The following PPM1E variants were observed in gnomAD, a reference collection of about 807,000 sequenced individuals.
PPM1E encodes the protein protein phosphatase, Mg2+/Mn2+ dependent 1E, also known as protein phosphatase 1E.
A neutral mutation model predicts 65.9 loss-of-function variants in PPM1E; 20 were observed. The observed-to-expected ratio is 0.30, with a 90% CI of 0.21 to 0.44. The LOEUF (loss-of-function observed/expected upper bound fraction) is 0.44. Ranked by LOEUF, PPM1E falls within the 20% of genes least tolerant of loss-of-function variation. The probability of loss-of-function intolerance (pLI) is 1.00; values close to 1 mark genes in which losing one functional copy is unlikely to be tolerated. For synonymous variants in PPM1E, 352 were observed against 374.9 expected, an observed-to-expected ratio of 0.94 and a Z score of 0.70; for missense variants, 713 against 953.1, an observed-to-expected ratio of 0.75 and a Z score of 3.32.
At chr17:58,966,870 A>C (rs2030287504) in intron 3 of PPM1E, 1 of 152,516 alleles carries the variant, frequency 6.6e-6, no homozygotes, top group Non-Finnish European at 1.5e-5. Flanking sequence ...TCAAGGTCTA[A>C]TCAGCAATGA....
At position 58,982,976 on chromosome 17, in the gene PPM1E, A is replaced by C; in HGVS notation, c.*1945A>C. 7 of 1,485,804 alleles carry C rather than the reference A, an allele frequency of 4.7e-6. No individual in the cohort carries two copies. Among genetic ancestry groups the C allele is most frequent in the Non-Finnish European group, 5.5e-6 (6 of 1,094,758 alleles). 92.0% of individuals were successfully genotyped at this position (1,485,804 alleles called of 1,614,324 possible). ...ACTATTGGTACACATTATAGTCCAAAGTGCTTAGCGAAGTAAAAAAAAAAG... is the reference window on the plus strand; with the variant it reads ...ACTATTGGTACACATTATAGTCCAACGTGCTTAGCGAAGTAAAAAAAAAAG... On this transcript the variant is annotated 3_prime_UTR_variant, in exon 7 of 7. Transcript: ENST00000308249.
chr17:58,866,603 TGTC>T (rs2051006882), intron 1 of PPM1E, among the ~76,000 whole-genome samples: 1 of 75,868 alleles, frequency 1.3e-5, no homozygotes, highest in Non-Finnish European at 3.4e-5. Flanking sequence ...TTGTAAATGC[TGTC>T]ATTGTAAATG....
chr17:58,877,581 G>A (rs562533092), intron 1 of PPM1E, among the ~76,000 whole-genome samples: 1 of 152,216 alleles, frequency 6.6e-6, no homozygotes, highest in African/African-American at 2.4e-5. Context: ...TAAATGGTAG[G>A]TTCCTAGGCC....
At chr17:58,793,880 G>A (rs1166712391) in intron 1 of PPM1E, among the ~76,000 whole-genome samples, 1 of 152,022 alleles carries the variant, frequency 6.6e-6, no homozygotes, top group Non-Finnish European at 1.5e-5. Flanking sequence ...GTTTCACTCT[G>A]TTGCCCAAGC....
At chr17:58,796,550 G>A (rs1446388485) in intron 1 of PPM1E, among the ~76,000 whole-genome samples, 3 of 152,150 alleles carry the variant, frequency 2.0e-5, no homozygotes, top group Non-Finnish European at 2.9e-5. Flanking sequence ...GATTACAGGC[G>A]TGAGCCACTG....
At position 58,915,849 on chromosome 17, in the gene PPM1E, T is replaced by C. The variant is rs545081999; in HGVS notation, c.465-39800T>C. Reference sequence around the variant, plus strand: ...ATGCTGAATTAGTAGATAGAAAATTTGTGTTCTAGGTCCCACCCCATTACT... The same window carrying C: ...ATGCTGAATTAGTAGATAGAAAATTCGTGTTCTAGGTCCCACCCCATTACT... On this transcript the variant is annotated intron_variant, in intron 1 of 6. Coordinates refer to ENST00000308249, the MANE Select transcript of PPM1E (RefSeq NM_014906.5). Among the ~76,000 whole-genome samples, 12 of 152,324 alleles carry C rather than the reference T, an allele frequency of 7.9e-5. 1 individual carries two copies. The highest frequency in any genetic ancestry group is 7.8e-4 in the Admixed American group (12 of 15,296).
chr17:58,938,385 T>C (rs1308436429), intron 1 of PPM1E, among the ~76,000 whole-genome samples: 1 of 151,722 alleles, frequency 6.6e-6, no homozygotes, highest in African/African-American at 2.4e-5. Flanking sequence ...AGTCAAATAG[T>C]AATTAAATGG....
At chr17:58,764,087 C>T (rs2049849803) in intron 1 of PPM1E, among the ~76,000 whole-genome samples, 1 of 151,770 alleles carries the variant, frequency 6.6e-6, no homozygotes. Flanking sequence ...ACTATTTCAA[C>T]ATGTAATCCA....
At chr17:58,835,194 C>T (rs1376533867) in intron 1 of PPM1E, among the ~76,000 whole-genome samples, 2 of 151,884 alleles carry the variant, frequency 1.3e-5, no homozygotes, top group East Asian at 1.9e-4. Context: ...TAGAAAAATT[C>T]GCCAACCATG....
intron 1 of PPM1E, among the ~76,000 whole-genome samples, chr17:58,804,743 G>T (rs1279665761): frequency 6.6e-6 from 1 of 151,686 alleles, no homozygotes; most frequent in Non-Finnish European, 1.5e-5. Flanking sequence ...TTTAAATTAA[G>T]TTCATTTTAT....
chr17:58,955,145 A>T (rs1462667911), intron 1 of PPM1E, among the ~76,000 whole-genome samples: 1 of 152,106 alleles, frequency 6.6e-6, no homozygotes, highest in East Asian at 1.9e-4. Flanking sequence ...TGGGCGGATC[A>T]CCTGAGGTTG....
At chr17:58,777,768 A>G (rs1208495852) in intron 1 of PPM1E, among the ~76,000 whole-genome samples, 1 of 152,242 alleles carries the variant, frequency 6.6e-6, no homozygotes, top group African/African-American at 2.4e-5. Flanking sequence ...GTTTCCTACT[A>G]GAATATAAGC....
At chr17:58,838,401 G>A (rs955466183) in intron 1 of PPM1E, among the ~76,000 whole-genome samples, 3 of 152,166 alleles carry the variant, frequency 2.0e-5, no homozygotes, top group Non-Finnish European at 4.4e-5. Flanking sequence ...TAAAGAAAAT[G>A]TAGAGACAGC....
intron 1 of PPM1E, among the ~76,000 whole-genome samples, chr17:58,756,805 G>A (rs1355808463): frequency 6.6e-6 from 1 of 152,102 alleles, no homozygotes; most frequent in African/African-American, 2.4e-5. Context: ...TCCCTTTCCT[G>A]CCTGGAAAGG....
rs540412358 is a variant in PPM1E, at chr17:58,913,371, G to C, written c.465-42278G>C. ...AATAAGTGAGTTTATAAGGATCTAG[G>C]CTTGAGCAGACTTAAAAAAAAAACT... On this transcript the variant is annotated intron_variant, in intron 1 of 6. Coordinates refer to ENST00000308249, the MANE Select transcript of PPM1E (RefSeq NM_014906.5). Among the ~76,000 whole-genome samples the C allele has an allele frequency of 3.5e-4, 54 of 152,230 alleles. 1 individual carries two copies. Among genetic ancestry groups the C allele is most frequent in the African/African-American group, 1.3e-3 (52 of 41,528 alleles).
intron 1 of PPM1E, among the ~76,000 whole-genome samples, chr17:58,843,542 A>G (rs1443010368): frequency 6.6e-6 from 1 of 151,538 alleles, no homozygotes; most frequent in East Asian, 2.0e-4. Context: ...CTGTAGAACA[A>G]GGCCGGGCAC....
intron 1 of PPM1E, among the ~76,000 whole-genome samples, chr17:58,809,141 TA>T (rs777065489): frequency 6.6e-6 from 1 of 152,144 alleles, no homozygotes; most frequent in East Asian, 1.9e-4. Flanking sequence ...ACTCAGGCTG[TA>T]AGTGCAGTGG....
intron 1 of PPM1E, among the ~76,000 whole-genome samples, chr17:58,946,154 G>A (rs1030533428): frequency 6.6e-6 from 1 of 151,828 alleles, no homozygotes; most frequent in African/African-American, 2.4e-5. Context: ...AGACTATACA[G>A]GAAATTCCAA....
intron 2 of PPM1E, among the ~76,000 whole-genome samples, chr17:58,959,636 G>A (rs2029969433): frequency 6.7e-6 from 1 of 150,064 alleles, no homozygotes; most frequent in Admixed American, 6.6e-5. Context: ...CAAAGTGCTG[G>A]GATTACAGGC....
Sources: gnomAD v4.1 joint callset for allele counts (sites outside exome capture counted in the v4.1 genomes callset) on GRCh38, gnomAD v4.1.1 for gene constraint, MANE v1.5 for transcripts, NCBI Gene and HGNC (gene_info 2026-07-23, HGNC 2026-07-21) for gene names.